The following EFCC1 variants were observed in gnomAD, a reference collection of about 807,000 sequenced individuals.
EFCC1 encodes the protein EF-hand and coiled-coil domain containing 1.
In EFCC1, 50 loss-of-function variants were observed where a neutral mutation model predicts 52.1. The ratio of observed to expected loss-of-function variants is 0.96; its 90% CI spans 0.76 to 1.21. The LOEUF (loss-of-function observed/expected upper bound fraction) is 1.21, where lower values mean the gene tolerates loss of function less well. Ranked by LOEUF, EFCC1 falls within the 50% of genes most tolerant of loss-of-function variation. The pLI is 0.00. For synonymous variants in EFCC1, 399 were observed against 396.5 expected (o/e 1.01, Z -0.08); for missense variants, 837 against 867.3 (o/e 0.97, Z 0.44).
intron 2 of EFCC1, among the ~76,000 whole-genome samples, chr3:129,018,110 A>G (rs937861348): frequency 1.3e-5 from 2 of 152,158 alleles, no homozygotes; most frequent in Non-Finnish European, 2.9e-5. Context: ...CTTGGTTTCA[A>G]TTATTCTATA....
chr3:129,003,707 G>C (rs979675276), intron 1 of EFCC1, 87 bp from the exon 2 acceptor site: 1 of 1,211,390 alleles, frequency 8.3e-7, no homozygotes, highest in Admixed American at 4.4e-5. Flanking sequence ...TGGGTGCAGA[G>C]GCATGGGGCC....
chr3:129,028,634 CTTTTTTCTTTT>C (rs971099406), intron 2 of EFCC1, among the ~76,000 whole-genome samples: 6 of 150,710 alleles, frequency 4.0e-5, no homozygotes, highest in African/African-American at 7.3e-5. Context: ...GTTGGCTTTT[CTTTTTTCTTTT>C]TTTTTTCTTT....
chr3:129,035,992 C>T (rs1204955213), intron 5 of EFCC1, among the ~76,000 whole-genome samples: 1 of 152,214 alleles, frequency 6.6e-6, no homozygotes, highest in Admixed American at 6.5e-5. Flanking sequence ...TTGTGCAGGT[C>T]TCCTAAGTTG....
intron 4 of EFCC1, 55 bp from the exon 5 acceptor site, chr3:129,034,109 A>G: frequency 6.2e-7 from 1 of 1,608,160 alleles, no homozygotes; most frequent in Middle Eastern, 1.7e-4. Context: ...AAGGCTGGAC[A>G]GAGCGGGCTC....
At chr3:129,020,234 C>T (rs890887706) in intron 2 of EFCC1, among the ~76,000 whole-genome samples, 2 of 152,122 alleles carry the variant, frequency 1.3e-5, no homozygotes, top group African/African-American at 4.8e-5. Flanking sequence ...AAGCTGTAAA[C>T]AGAGTGTGGG....
chr3:129,038,967 C>T (rs1946390809), intron 7 of EFCC1, 67 bp downstream of exon 7: 1 of 1,307,126 alleles, frequency 7.7e-7, no homozygotes, highest in South Asian at 1.2e-5. Flanking sequence ...GAGGAGACTC[C>T]AGTGTGCTTC....
intron 6 of EFCC1, 73 bp from the exon 7 acceptor site, chr3:129,038,758 C>A: frequency 6.8e-7 from 1 of 1,480,682 alleles, no homozygotes; most frequent in Non-Finnish European, 9.4e-7. Flanking sequence ...CCCGTAGGGG[C>A]CACCAGTTCC....
chr3:129,018,804 G>A (rs568856951), intron 2 of EFCC1, among the ~76,000 whole-genome samples: 52 of 152,242 alleles, frequency 3.4e-4, no homozygotes, highest in African/African-American at 1.2e-3. Context: ...TGAGTCTTTC[G>A]GGTCTGTTTG....
At chr3:129,038,448 G>A (rs1240706402) in intron 6 of EFCC1, among the ~76,000 whole-genome samples, 2 of 152,252 alleles carry the variant, frequency 1.3e-5, no homozygotes, top group Non-Finnish European at 2.9e-5. Context: ...GGCAAATTTC[G>A]CATTCTTTCC....
chr3:129,023,968 G>C (rs2107921143), intron 2 of EFCC1, among the ~76,000 whole-genome samples: 1 of 152,274 alleles, frequency 6.6e-6, no homozygotes, highest in Admixed American at 6.5e-5. Context: ...TAGGTGATAG[G>C]AGTAAACTGG....
At chr3:129,026,697 CTT>C (rs1484225943) in intron 2 of EFCC1, among the ~76,000 whole-genome samples, 1 of 152,172 alleles carries the variant, frequency 6.6e-6, no homozygotes, top group African/African-American at 2.4e-5. Flanking sequence ...TCCCTTGTGT[CTT>C]TTCTTCTCCA....
At chr3:129,028,541 TTTTG>T (rs1946195936) in intron 2 of EFCC1, among the ~76,000 whole-genome samples, 2 of 152,170 alleles carry the variant, frequency 1.3e-5, no homozygotes, top group Admixed American at 6.5e-5. Flanking sequence ...CCTTTATGGG[TTTTG>T]TTTTTTTGTT....
At position 129,001,915 on chromosome 3, in the gene EFCC1, C is replaced by T; in HGVS notation, c.287C>T (p.Ala96Val). 6.5e-7 allele frequency: 1 copy of T among 1,538,900 alleles called. No homozygotes were observed. The highest frequency in any genetic ancestry group is 8.8e-7 in the Non-Finnish European group (1 of 1,141,188). Residue 96 changes from alanine (A) to valine (V), a missense_variant, in exon 1 of 8, where the codon GCC becomes GTC. Physicochemically the swap from Ala to Val is moderately conservative, Grantham distance 64 (BLOSUM62 0). Transcript: ENST00000683648. ...LGLRAEGATT[A>V]GQAAGDGNSR... ...CTGCGCGCGGAGGGGGCCACCACGG[C>T]CGGGCAGGCAGCAGGTGACGGGAAC...
chr3:129,037,926 T>C (rs1946376814), intron 6 of EFCC1, among the ~76,000 whole-genome samples: 1 of 150,110 alleles, frequency 6.7e-6, no homozygotes, highest in Non-Finnish European at 1.5e-5. Context: ...TAGCTGGGCA[T>C]GGTGGTGTAT....
chr3:129,006,999 GAA>G (rs1460035921), intron 2 of EFCC1, among the ~76,000 whole-genome samples: 9 of 152,172 alleles, frequency 5.9e-5, no homozygotes, highest in Admixed American at 1.3e-4. Context: ...TAGTCTAAAA[GAA>G]AAGTGTTACT....
intron 2 of EFCC1, among the ~76,000 whole-genome samples, chr3:129,005,417 G>T (rs886834589): frequency 1.3e-4 from 20 of 152,252 alleles, no homozygotes; most frequent in Admixed American, 2.0e-4. Context: ...TGGCTGGAGG[G>T]GTAGAGCTGA....
intron 2 of EFCC1, among the ~76,000 whole-genome samples, chr3:129,011,367 A>G (rs906186193): frequency 6.6e-6 from 1 of 152,170 alleles, no homozygotes; most frequent in African/African-American, 2.4e-5. Flanking sequence ...CCAGGCCAAC[A>G]TGGTGAAACC....
intron 2 of EFCC1, among the ~76,000 whole-genome samples, chr3:129,025,259 A>G (rs1946054624): frequency 6.6e-6 from 1 of 152,198 alleles, no homozygotes; most frequent in Admixed American, 6.5e-5. Flanking sequence ...AGAGGTCCTC[A>G]GAGGGCATCC....
chr3:129,005,076 C>A (rs546593621), intron 2 of EFCC1, among the ~76,000 whole-genome samples: 2 of 152,354 alleles, frequency 1.3e-5, no homozygotes, highest in South Asian at 2.1e-4. Context: ...TGCTGGCCGG[C>A]CTGACTACAC....
Sources: gnomAD v4.1 joint callset for allele counts (sites outside exome capture counted in the v4.1 genomes callset) on GRCh38, gnomAD v4.1.1 for gene constraint, MANE v1.5 for transcripts, NCBI Gene and HGNC (gene_info 2026-07-23, HGNC 2026-07-21) for gene names.